Variants in MTMR7 observed in about 807,000 individuals in gnomAD.
MTMR7 encodes the protein myotubularin related protein 7.
MTMR7 carries 76 observed loss-of-function variants against 81.2 expected under a neutral mutation model. The observed-to-expected ratio is 0.94, with a 90% CI of 0.78 to 1.13. The LOEUF is 1.13. Ranked by LOEUF, MTMR7 falls within the 50% of genes most tolerant of loss-of-function variation. MTMR7 has a pLI of 0.00. For missense variants in MTMR7, 1,044 were observed against 820.0 expected (o/e 1.27, Z -3.34); for synonymous variants, 372 against 289.8 (o/e 1.28, Z -2.88).
chr8:17,400,260 T>C (rs1324188025), intron 1 of MTMR7, among the ~76,000 whole-genome samples: 1 of 152,206 alleles, frequency 6.6e-6, no homozygotes, highest in African/African-American at 2.4e-5. Flanking sequence ...TAGATTCACA[T>C]TTATTAAGAC....
intron 1 of MTMR7, among the ~76,000 whole-genome samples, chr8:17,404,119 C>T (rs1422498016): frequency 6.6e-6 from 1 of 152,006 alleles, no homozygotes; most frequent in Non-Finnish European, 1.5e-5. Flanking sequence ...GTATCTCTGG[C>T]AAAAATAAAC....
intron 3 of MTMR7, among the ~76,000 whole-genome samples, chr8:17,369,668 CAG>C (rs1187963013): frequency 4.9e-5 from 4 of 81,220 alleles, no homozygotes; most frequent in African/African-American, 1.7e-4. Context: ...TTTTTTGAAA[CAG>C]AGTCTCGTTC....
intron 1 of MTMR7, among the ~76,000 whole-genome samples, chr8:17,410,690 T>A (rs1204446460): frequency 6.6e-6 from 1 of 152,190 alleles, no homozygotes; most frequent in East Asian, 1.9e-4. Context: ...TAGAAAGAAA[T>A]ATGTGCAAAG....
intron 12 of MTMR7, 79 bp downstream of exon 12, chr8:17,304,300 C>T (rs1817309528): frequency 1.3e-6 from 2 of 1,501,266 alleles, no homozygotes; most frequent in African/African-American, 1.4e-5. Flanking sequence ...CAGTGTCATA[C>T]ACTTTGACCT....
At chr8:17,341,584 C>G (rs528577917) in intron 5 of MTMR7, 87 bp from the exon 6 acceptor site, 1 of 1,474,678 alleles carries the variant, frequency 6.8e-7, no homozygotes. Context: ...AACAAAGAGC[C>G]CTTGGCTCAC....
intron 3 of MTMR7, among the ~76,000 whole-genome samples, chr8:17,369,641 CT>C (rs71212689): frequency 0.1 from 10,801 of 106,128 alleles, 190 homozygotes; most frequent in East Asian, 0.19. Flanking sequence ...TTCTTTTTTT[CT>C]TTTTTTTTTT....
At chr8:17,307,707 T>G in intron 10 of MTMR7, among the ~76,000 whole-genome samples, 1 of 152,124 alleles carries the variant, frequency 6.6e-6, no homozygotes, top group Non-Finnish European at 1.5e-5. Flanking sequence ...TATGCAGCCA[T>G]AAAAAATGAT....
intron 4 of MTMR7, among the ~76,000 whole-genome samples, chr8:17,355,735 A>ACAAAT (rs140584423): frequency 0.36 from 54,317 of 151,334 alleles, 12,365 homozygotes; most frequent in East Asian, 0.71. Flanking sequence ...ATAAAGAACT[A>ACAAAT]CAACAAGAAA....
intron 3 of MTMR7, among the ~76,000 whole-genome samples, chr8:17,361,816 A>G (rs948954396): frequency 7.2e-5 from 11 of 152,252 alleles, no homozygotes; most frequent in African/African-American, 2.7e-4. Context: ...TTAAACAACT[A>G]CATAAATATC....
At chr8:17,308,947 A>G (rs1367455415) in intron 10 of MTMR7, among the ~76,000 whole-genome samples, 1 of 152,196 alleles carries the variant, frequency 6.6e-6, no homozygotes, top group African/African-American at 2.4e-5. Context: ...GACTAAAGTG[A>G]ATCTCTGGAC....
chr8:17,404,044 A>C (rs1821505049), intron 1 of MTMR7, among the ~76,000 whole-genome samples: 1 of 152,148 alleles, frequency 6.6e-6, no homozygotes, highest in Admixed American at 6.6e-5. Context: ...TTTCCTTTCC[A>C]GTTTAGATGC....
chr8:17,324,348 T>C (rs1436117403), intron 7 of MTMR7, among the ~76,000 whole-genome samples: 1 of 152,214 alleles, frequency 6.6e-6, no homozygotes, highest in African/African-American at 2.4e-5. Flanking sequence ...CTCTGCATAA[T>C]CTACCCTACA....
chr8:17,389,943 C>T (rs1821053114), intron 1 of MTMR7, among the ~76,000 whole-genome samples: 2 of 151,936 alleles, frequency 1.3e-5, no homozygotes, highest in South Asian at 2.1e-4. Flanking sequence ...TATTGTGCAC[C>T]TTTACTCTGT....
intron 1 of MTMR7, among the ~76,000 whole-genome samples, chr8:17,398,354 A>G (rs1206277980): frequency 6.6e-6 from 1 of 152,220 alleles, no homozygotes; most frequent in East Asian, 1.9e-4. Context: ...ATAGATTCAA[A>G]TAATTAAAAA....
At position 17,412,908 on chromosome 8, in the gene MTMR7, T is replaced by C. The variant is rs372738162; in HGVS notation, c.24+361A>G. Among the ~76,000 whole-genome samples, 29 of 152,280 alleles carry C rather than the reference T, an allele frequency of 1.9e-4. No homozygotes were observed. In the South Asian group the frequency reaches 5.6e-3, roughly 29 times the overall value. ...CCGAAAGGCTTATTTCCCTTTCAAC[T>C]ACTCTGAGCGGCCAACAGCTAAAAG... On this transcript the variant is annotated intron_variant, in intron 1 of 13. Transcript: ENST00000180173.
intron 7 of MTMR7, among the ~76,000 whole-genome samples, chr8:17,316,588 C>T (rs1393118893): frequency 6.6e-6 from 1 of 151,996 alleles, no homozygotes; most frequent in African/African-American, 2.4e-5. Context: ...GCACAGTTGG[C>T]CCTCTGTATT....
At chr8:17,304,803 A>C (rs887948592) in intron 11 of MTMR7, among the ~76,000 whole-genome samples, 3 of 135,854 alleles carry the variant, frequency 2.2e-5, no homozygotes, top group East Asian at 2.2e-4. Context: ...TTTTCCCCCA[A>C]ATAGTCATTG....
chr8:17,368,664 C>A (rs372046122), intron 3 of MTMR7, among the ~76,000 whole-genome samples: 28 of 152,162 alleles, frequency 1.8e-4, no homozygotes, highest in African/African-American at 6.8e-4. Context: ...CTATAATATG[C>A]CCTAATGTTA....
At chr8:17,396,672 G>T (rs1369640912) in intron 1 of MTMR7, among the ~76,000 whole-genome samples, 3 of 152,040 alleles carry the variant, frequency 2.0e-5, no homozygotes, top group Admixed American at 6.6e-5. Context: ...GCAACTCCTA[G>T]TCAAGTCCTA....
Sources: gnomAD v4.1 joint callset for allele counts (sites outside exome capture counted in the v4.1 genomes callset) on GRCh38, gnomAD v4.1.1 for gene constraint, MANE v1.5 for transcripts, NCBI Gene and HGNC (gene_info 2026-07-23, HGNC 2026-07-21) for gene names.